The following OR9Q1 variants were observed in gnomAD, a reference collection of about 807,000 sequenced individuals.
The protein encoded by OR9Q1 is olfactory receptor family 9 subfamily Q member 1, also known as olfactory receptor 9Q1.
For missense variants in OR9Q1, 374 were observed against 378.8 expected (o/e 0.99, Z 0.11); for synonymous variants, 153 against 148.6 (o/e 1.03, Z -0.22).
chr11:58,179,703 G>T lies in OR9Q1; in HGVS notation c.259G>T (p.Glu87Ter), dbSNP rs977481761. Reference protein sequence around the residue: ...TVPQMLAVLLEHGAALSYTRC... With the variant: ...TVPQMLAVLL ...CCCCCAGATGCTGGCAGTGCTGCTG[G>T]AGCATGGGGCAGCTTTATCTTACAC... Residue 87 changes from glutamate (E) to a stop codon, truncating the protein, a stop_gained, in exon 3 of 3, where the codon GAG becomes TAG. Transcript: ENST00000335397. LOFTEE classifies it low-confidence loss of function (END_TRUNC). 8.1e-6 allele frequency: 13 copies of T among 1,614,054 alleles called. No homozygotes were observed. The Admixed American group carries it at 1.8e-4, about 23-fold the overall frequency.
intron 1 of OR9Q1, among the ~76,000 whole-genome samples, chr11:58,026,126 A>T (rs1443752937): frequency 6.6e-6 from 1 of 152,204 alleles, no homozygotes; most frequent in Admixed American, 6.5e-5. Flanking sequence ...TAAAAGACAC[A>T]GTTCTTAAAA....
chr11:58,149,067 C>T (rs1854326256), intron 2 of OR9Q1, among the ~76,000 whole-genome samples: 1 of 151,972 alleles, frequency 6.6e-6, no homozygotes, highest in Non-Finnish European at 1.5e-5. Context: ...TAGTGAAACA[C>T]AAAAATAAAA....
Position 58,082,386 on chromosome 11 carries a change from C to T in OR9Q1, c.-15+26439C>T, listed in dbSNP as rs565984634. Among the ~76,000 whole-genome samples, 146 of 152,058 alleles carry T rather than the reference C, an allele frequency of 9.6e-4. No homozygotes were observed. The Middle Eastern group carries it at 0.01, about 11-fold the overall frequency. On this transcript the variant is annotated intron_variant, in intron 2 of 2. Coordinates refer to ENST00000335397, the MANE Select transcript of OR9Q1 (RefSeq NM_001005212.4). Reference sequence around the variant, plus strand: ...GATAGACTGGATTAAGAAAATGAGGCACATATACACCATGGAATACTATGC... The same window carrying T: ...GATAGACTGGATTAAGAAAATGAGGTACATATACACCATGGAATACTATGC...
intron 2 of OR9Q1, among the ~76,000 whole-genome samples, chr11:58,057,422 T>G (rs2003375): frequency 0.22 from 34,161 of 152,012 alleles, 5,064 homozygotes; most frequent in East Asian, 0.6. Context: ...TCTCTTGGTG[T>G]TGTTGGTTGA....
At chr11:58,104,349 GTT>G (rs3085869) in intron 2 of OR9Q1, among the ~76,000 whole-genome samples, 25,454 of 146,076 alleles carry the variant, frequency 0.17, 2,256 homozygotes, top group Non-Finnish European at 0.21. Context: ...TTGGATGGTA[GTT>G]TTTTTTTTTT....
chr11:58,144,916 G>A (rs1260064446), intron 2 of OR9Q1: 1 of 152,578 alleles, frequency 6.6e-6, no homozygotes, highest in East Asian at 1.9e-4. Context: ...GGCGCTGCTG[G>A]CCGGGGCATA....
intron 1 of OR9Q1, among the ~76,000 whole-genome samples, chr11:58,036,082 C>A (rs529961585): frequency 2.0e-5 from 3 of 151,736 alleles, no homozygotes; most frequent in African/African-American, 7.3e-5. Flanking sequence ...TTAAACTTTA[C>A]TGTTATTATT....
chr11:58,059,687 C>CA (rs58893511), intron 2 of OR9Q1, among the ~76,000 whole-genome samples: 751 of 40,190 alleles, frequency 0.019, 171 homozygotes, highest in East Asian at 0.05. Flanking sequence ...GGCTCTGTCT[C>CA]AAAAAAAAAA....
chr11:58,175,555 C>T (rs906581110), intron 2 of OR9Q1, among the ~76,000 whole-genome samples: 3 of 152,148 alleles, frequency 2.0e-5, no homozygotes, highest in Middle Eastern at 3.2e-3. Flanking sequence ...CATAATACTA[C>T]TATTCCCATA....
intron 2 of OR9Q1, among the ~76,000 whole-genome samples, chr11:58,139,863 A>T (rs201271785): frequency 2.7e-5 from 2 of 75,136 alleles, no homozygotes; most frequent in South Asian, 6.5e-4. Context: ...CGCCACACTG[A>T]CTTCCACAAT....
In OR9Q1 at chr11:58,180,661, T is replaced by A. The variant is rs76211141; in HGVS notation, c.*284T>A. 2.5e-3 allele frequency: 699 copies of A among 274,228 alleles called. 6 individuals carry two copies. Among genetic ancestry groups the A allele is most frequent in the African/African-American group, 0.015 (660 of 45,374 alleles). 17.0% of individuals were successfully genotyped at this position (274,228 alleles called of 1,614,324 possible). A position where few individuals can be genotyped will look rare whatever the true frequency, so the allele number is the denominator to read the frequency against. On this transcript the variant is annotated 3_prime_UTR_variant, in exon 3 of 3. Coordinates refer to ENST00000335397, the MANE Select transcript of OR9Q1 (RefSeq NM_001005212.4). ...GGCACACTTCACCTGTCTGTGATTA[T>A]AAGAGTAATTTTTTTTGCAAAATTT...
At chr11:58,025,866 C>G (rs115048881) in intron 1 of OR9Q1, among the ~76,000 whole-genome samples, 150 of 152,232 alleles carry the variant, frequency 9.9e-4, no homozygotes, top group African/African-American at 3.5e-3. Flanking sequence ...CTACTTCCAC[C>G]TGTCTCTCCC....
At chr11:58,140,386 C>T (rs1224997657) in intron 2 of OR9Q1, among the ~76,000 whole-genome samples, 1 of 152,038 alleles carries the variant, frequency 6.6e-6, no homozygotes, top group African/African-American at 2.4e-5. Flanking sequence ...AATGGTATTG[C>T]CTAGGTTTTC....
intron 2 of OR9Q1, among the ~76,000 whole-genome samples, chr11:58,101,325 C>T (rs1326241749): frequency 6.6e-6 from 1 of 152,032 alleles, no homozygotes; most frequent in Non-Finnish European, 1.5e-5. Context: ...TTAATAATGG[C>T]TATTCTGGCT....
At chr11:58,142,409 T>C (rs1267757931) in intron 2 of OR9Q1, among the ~76,000 whole-genome samples, 1 of 152,106 alleles carries the variant, frequency 6.6e-6, no homozygotes, top group African/African-American at 2.4e-5. Flanking sequence ...AGGAACTCCT[T>C]TTAAGAACAT....
intron 1 of OR9Q1, among the ~76,000 whole-genome samples, chr11:58,050,767 C>T (rs1226216842): frequency 2.2e-5 from 2 of 92,072 alleles, no homozygotes; most frequent in African/African-American, 7.3e-5. Flanking sequence ...AAACAAACAA[C>T]CCCATCAAAA....
chr11:58,092,072 C>T lies in OR9Q1; in HGVS notation c.-15+36125C>T, dbSNP rs141837746. On this transcript the variant is annotated intron_variant, in intron 2 of 2. Coordinates refer to ENST00000335397, the MANE Select transcript of OR9Q1 (RefSeq NM_001005212.4). ...TGAGATGGATCTCCTGAATACAGCACGCCAATGGGTCTTGCCTCTTTATCC... is the reference window on the plus strand; with the variant it reads ...TGAGATGGATCTCCTGAATACAGCATGCCAATGGGTCTTGCCTCTTTATCC... 8.7e-3 allele frequency among the ~76,000 whole-genome samples: 1,330 copies of T among 152,038 alleles called. 17 individuals are homozygous for T. The highest frequency in any genetic ancestry group is 0.029 in the African/African-American group (1,183 of 41,480).
At chr11:58,167,253 CTTCA>C (rs1189494563) in intron 2 of OR9Q1, among the ~76,000 whole-genome samples, 2 of 151,986 alleles carry the variant, frequency 1.3e-5, no homozygotes, top group Middle Eastern at 3.2e-3. Context: ...GAATTTGACA[CTTCA>C]TTTTCATACA....
At chr11:58,056,835 C>T (rs1187552914) in intron 2 of OR9Q1, among the ~76,000 whole-genome samples, 1 of 152,060 alleles carries the variant, frequency 6.6e-6, no homozygotes, top group Non-Finnish European at 1.5e-5. Context: ...GGGTCCAGAG[C>T]CCCATCCCCA....
Sources: allele counts gnomAD v4.1 joint callset (sites outside exome capture counted in the v4.1 genomes callset), GRCh38; gene constraint gnomAD v4.1.1; transcripts MANE v1.5; gene names NCBI Gene and HGNC (gene_info 2026-07-23, HGNC 2026-07-21).